The following CUEDC1 variants were observed in gnomAD, a reference collection of about 807,000 sequenced individuals.
The protein encoded by CUEDC1 is CUE domain-containing protein 1.
In CUEDC1, 30 loss-of-function variants were observed where a neutral mutation model predicts 43.7. The observed-to-expected ratio is 0.69, with a 90% confidence interval of 0.51 to 0.93. The LOEUF (loss-of-function observed/expected upper bound fraction) is 0.93, where lower values mean the gene tolerates loss of function less well. Ranked by LOEUF, CUEDC1 falls within the 40% of genes least tolerant of loss-of-function variation. The probability of loss-of-function intolerance (pLI) is 0.00; values close to 1 mark genes in which losing one functional copy is unlikely to be tolerated. For synonymous variants in CUEDC1, 223 were observed against 223.6 expected, an observed-to-expected ratio of 1.00 and a Z score of 0.02; for missense variants, 486 against 549.0, an observed-to-expected ratio of 0.89 and a Z score of 1.15.
intron 6 of CUEDC1, among the ~76,000 whole-genome samples, chr17:57,871,022 G>C (rs1418727362): frequency 6.6e-6 from 1 of 152,210 alleles, no homozygotes; most frequent in Non-Finnish European, 1.5e-5. Context: ...CATAGGTTGA[G>C]AGTTCAGCCA....
intron 9 of CUEDC1, 164 bp from the exon 10 acceptor site, chr17:57,866,708 C>T (rs112167253): frequency 3.2e-6 from 2 of 624,466 alleles, no homozygotes; most frequent in African/African-American, 1.8e-5. Context: ...GGGAGAGAGG[C>T]AGCAGGACAC....
At chr17:57,944,446 G>A (rs937449436) in intron 1 of CUEDC1, among the ~76,000 whole-genome samples, 3 of 152,096 alleles carry the variant, frequency 2.0e-5, no homozygotes, top group Non-Finnish European at 4.4e-5. Context: ...CCGACCTCAG[G>A]TGATCTGCCC....
At position 57,916,576 on chromosome 17, in the gene CUEDC1, G is replaced by A. The variant is rs554946432; in HGVS notation, c.-315-30697C>T. On this transcript the variant is annotated intron_variant, in intron 1 of 10. Transcript: ENST00000577830. The stretch of plus-strand genomic sequence containing the variant: ...CACCACCTCCCAGGCCAGTGTGATC[G>A]ATGCTGGCAGACCAGAGCCCTGACA... Among the ~76,000 whole-genome samples, 11 of 152,318 alleles carry A rather than the reference G, an allele frequency of 7.2e-5. No individual in the cohort carries two copies. In the South Asian group the frequency reaches 1.9e-3, roughly 26 times the overall value.
At position 57,873,593 on chromosome 17, in the gene CUEDC1, G is replaced by A. The variant is rs1346335732; in HGVS notation, c.589C>T (p.Gln197Ter). The change falls in exon 4 of 11, where the codon CAG becomes TAG. Residue 197 changes from glutamine (Q) to a stop codon, truncating the protein, a stop_gained and splice_region_variant. Coordinates refer to ENST00000577830, the MANE Select transcript of CUEDC1 (RefSeq NM_001271875.2). LOFTEE classifies it high-confidence loss of function. ...RILPQQLDSI[Q>*]GNAGGPKPGS... is the part of the protein sequence containing the mutation. ...AAGGCGGGGGCGGCCCCTGTTACCT[G>A]TATGCTGTCCAGCTGCTGGGGCAGG... The A allele has an allele frequency of 6.3e-7, 1 of 1,582,036 alleles. No individual in the cohort carries two copies. The highest frequency in any genetic ancestry group is 8.6e-7 in the Non-Finnish European group (1 of 1,163,490).
intron 6 of CUEDC1, 30 bp from the exon 7 acceptor site, chr17:57,869,223 CACCGTGGCCA>C: frequency 2.5e-6 from 4 of 1,606,780 alleles, no homozygotes; most frequent in Non-Finnish European, 2.6e-6. Flanking sequence ...GAAGGCCGGC[CACCGTGGCCA>C]GCCATGGCCG....
At chr17:57,894,216 G>A (rs1250401913) in intron 1 of CUEDC1, among the ~76,000 whole-genome samples, 1 of 152,204 alleles carries the variant, frequency 6.6e-6, no homozygotes, top group Non-Finnish European at 1.5e-5. Flanking sequence ...ACACAGCAGA[G>A]CTGCCGGCAG....
chr17:57,901,905 G>A (rs2074476068), intron 1 of CUEDC1, among the ~76,000 whole-genome samples: 1 of 152,334 alleles, frequency 6.6e-6, no homozygotes, highest in Admixed American at 6.5e-5. Context: ...CGGGCATGGT[G>A]GCTCACACCT....
chr17:57,942,352 ATT>A (rs371195954), intron 1 of CUEDC1, among the ~76,000 whole-genome samples: 14 of 152,110 alleles, frequency 9.2e-5, no homozygotes, highest in African/African-American at 3.1e-4. Flanking sequence ...GTCAAAAACT[ATT>A]TTTGAATTGT....
chr17:57,932,348 G>A (rs2074814278), intron 1 of CUEDC1, among the ~76,000 whole-genome samples: 1 of 148,756 alleles, frequency 6.7e-6, no homozygotes, highest in African/African-American at 2.5e-5. Context: ...CACTTCAGGA[G>A]GCCGAGATGG....
At chr17:57,932,976 C>T (rs1331287936) in intron 1 of CUEDC1, among the ~76,000 whole-genome samples, 1 of 152,168 alleles carries the variant, frequency 6.6e-6, no homozygotes, top group Admixed American at 6.5e-5. Context: ...AGATGTTGAG[C>T]AGCATCCCTG....
At chr17:57,944,196 T>A (rs35973573) in intron 1 of CUEDC1, among the ~76,000 whole-genome samples, 10,182 of 141,960 alleles carry the variant, frequency 0.072, 499 homozygotes, top group Non-Finnish European at 0.1. Context: ...TTATTTATTT[T>A]TTTATATATA....
chr17:57,909,674 G>A (rs1408554949), intron 1 of CUEDC1, among the ~76,000 whole-genome samples: 1 of 152,232 alleles, frequency 6.6e-6, no homozygotes, highest in East Asian at 1.9e-4. Flanking sequence ...CACTGGCAGG[G>A]CCCAGGCCTC....
chr17:57,868,481 G>A, intron 7 of CUEDC1: 1 of 551,206 alleles, frequency 1.8e-6, no homozygotes, highest in Admixed American at 3.2e-5. Flanking sequence ...AGGACACCCT[G>A]AGCCAGGCCC....
chr17:57,877,882 C>T (rs1210051374), intron 3 of CUEDC1, among the ~76,000 whole-genome samples: 6 of 89,320 alleles, frequency 6.7e-5, no homozygotes, highest in Admixed American at 3.3e-4. Context: ...GAGACTCCGA[C>T]TCAAAAAAAA....
chr17:57,864,398 G>C (rs2073926150), intron 10 of CUEDC1, among the ~76,000 whole-genome samples: 1 of 152,186 alleles, frequency 6.6e-6, no homozygotes, highest in Non-Finnish European at 1.5e-5. Flanking sequence ...ACTTCGAAGA[G>C]GGTCAAGGGC....
At chr17:57,868,077 G>A in intron 8 of CUEDC1, 73 bp downstream of exon 8, 1 of 1,249,962 alleles carries the variant, frequency 8.0e-7, no homozygotes, top group Non-Finnish European at 1.2e-6. Context: ...CAGCTGCAGG[G>A]AGTCCAACAG....
At chr17:57,933,022 C>T (rs2074823703) in intron 1 of CUEDC1, among the ~76,000 whole-genome samples, 1 of 152,166 alleles carries the variant, frequency 6.6e-6, no homozygotes, top group Non-Finnish European at 1.5e-5. Flanking sequence ...AACATCACCC[C>T]CAGTTGTAAC....
intron 8 of CUEDC1, 87 bp downstream of exon 8, chr17:57,868,063 G>A: frequency 8.9e-7 from 1 of 1,118,626 alleles, no homozygotes; most frequent in East Asian, 2.4e-5. Context: ...CCCAGGGGAG[G>A]GCACAGCTGC....
At chr17:57,879,837 G>A (rs2074179995) in intron 2 of CUEDC1, 99 bp from the exon 3 acceptor site, 5 of 1,231,652 alleles carry the variant, frequency 4.1e-6, no homozygotes, top group Non-Finnish European at 5.7e-6. Flanking sequence ...GTATAATAAA[G>A]GAACTCTGTG....
Sources: allele counts gnomAD v4.1 joint callset (sites outside exome capture counted in the v4.1 genomes callset), GRCh38; gene constraint gnomAD v4.1.1; transcripts MANE v1.5; gene names NCBI Gene and HGNC (gene_info 2026-07-23, HGNC 2026-07-21).